Variants in ABR observed in about 807,000 individuals in gnomAD.
ABR encodes ABR activator of RhoGEF and GTPase.
In ABR, 35 loss-of-function variants were observed where a neutral mutation model predicts 107.2. That is an observed-to-expected ratio of 0.33 (90% CI 0.25 to 0.43). The LOEUF (loss-of-function observed/expected upper bound fraction) is 0.43, where lower values mean the gene tolerates loss of function less well. Among genes scored for constraint, ABR ranks in the 20% least tolerant of loss-of-function variants. The pLI is 1.00. For missense variants in ABR, 815 were observed against 1,115.2 expected (o/e 0.73, Z 3.83); for synonymous variants, 498 against 462.0 (o/e 1.08, Z -1.00).
intron 16 of ABR, among the ~76,000 whole-genome samples, chr17:1,024,424 G>A (rs2586255): frequency 0.2 from 30,485 of 152,108 alleles, 3,612 homozygotes; most frequent in Admixed American, 0.33. Flanking sequence ...GGGTCTGAAC[G>A]TCGCCCCTCG....
chr17:1,040,233 G>A (rs1447876140), intron 16 of ABR, among the ~76,000 whole-genome samples: 1 of 152,176 alleles, frequency 6.6e-6, no homozygotes, highest in Non-Finnish European at 1.5e-5. Flanking sequence ...GGGTCGAATG[G>A]GGACAAGACA....
At chr17:1,155,368 AACTTTTACTTTCT>A (rs1406718300) in intron 1 of ABR, among the ~76,000 whole-genome samples, 4 of 152,200 alleles carry the variant, frequency 2.6e-5, no homozygotes, top group African/African-American at 9.6e-5. Context: ...GTAAAAGTTG[AACTTTTACTTTCT>A]ACCATATTCA....
At chr17:1,017,257 T>C (rs1471144696) in intron 16 of ABR, among the ~76,000 whole-genome samples, 1 of 151,918 alleles carries the variant, frequency 6.6e-6, no homozygotes, top group East Asian at 1.9e-4. Flanking sequence ...CTCTCTCCCC[T>C]CTAAGCTGCT....
intron 5 of ABR, among the ~76,000 whole-genome samples, chr17:1,082,464 A>ACC (rs1349480886): frequency 6.6e-5 from 10 of 151,792 alleles, no homozygotes; most frequent in African/African-American, 2.2e-4. Flanking sequence ...GAGCAGAAGC[A>ACC]CGTGTGCTCC....
chr17:1,174,177 C>T (rs1212971837), intron 1 of ABR, among the ~76,000 whole-genome samples: 3 of 152,222 alleles, frequency 2.0e-5, no homozygotes, highest in African/African-American at 7.2e-5. Flanking sequence ...CGAAGAACAA[C>T]AGTAGCCAAC....
chr17:1,023,383 C>A (rs1482988503), intron 16 of ABR, among the ~76,000 whole-genome samples: 4 of 152,084 alleles, frequency 2.6e-5, no homozygotes, highest in Non-Finnish European at 5.9e-5. Flanking sequence ...CCCACCCCAC[C>A]ACTGCCTCCC....
rs1489905207 is a variant in ABR at position 1,011,770 on chromosome 17, C to T, written c.2101+76G>A. 1 of 1,485,538 alleles carries T rather than the reference C, an allele frequency of 6.7e-7. No homozygotes were observed. The highest frequency in any genetic ancestry group is 9.0e-7 in the Non-Finnish European group (1 of 1,116,016). The allele number at this position is 1,485,538 out of a possible 1,614,324, so 92.0% of individuals were successfully genotyped here. A position where few individuals can be genotyped will look rare whatever the true frequency, so the allele number is the denominator to read the frequency against. On this transcript the variant is annotated intron_variant, in intron 19 of 22. Transcript: ENST00000302538. The surrounding 1 kb of genome is among the most constrained non-coding windows in gnomAD (Gnocchi z 4.8). ...CCTCTCCAGGGAGGCTCCTGGTTCC[C>T]CCGAGCTCTCCTGTCCATCCCACCA...
intron 3 of ABR, among the ~76,000 whole-genome samples, chr17:1,099,495 G>A (rs528878363): frequency 6.6e-6 from 1 of 152,294 alleles, no homozygotes; most frequent in South Asian, 2.1e-4. Context: ...GTACTTAAAT[G>A]TGCATCTTAG....
At chr17:1,046,967 A>G (rs2031717154) in intron 16 of ABR, among the ~76,000 whole-genome samples, 1 of 152,112 alleles carries the variant, frequency 6.6e-6, no homozygotes, top group Non-Finnish European at 1.5e-5. Flanking sequence ...CTGTCACTAA[A>G]TGCTTCCCCC....
chr17:1,215,726 G>T (rs1038119267), intron 1 of ABR, among the ~76,000 whole-genome samples: 1 of 151,602 alleles, frequency 6.6e-6, no homozygotes. Context: ...CGGTTTTGTC[G>T]AATAGAAAAG....
chr17:1,179,830 G>A lies in ABR; in HGVS notation c.-103C>T, dbSNP rs1255322139. ...GGGAGGCCGAAGTTGCGAGCGCGGA[G>A]GGGCGAGGAGGCCGGGAACCAGGTC... is the stretch of plus-strand genomic sequence containing the variant. On this transcript the variant is annotated 5_prime_UTR_variant, in exon 1 of 23. Transcript: ENST00000302538. This position sits in a 1 kb window ranked among gnomAD's most constrained non-coding sequence, Gnocchi z 4.9. 8 of 1,217,286 alleles carry A rather than the reference G, an allele frequency of 6.6e-6. No individual in the cohort carries two copies. The highest frequency in any genetic ancestry group is 8.6e-6 in the Non-Finnish European group (8 of 930,614). 75.4% of individuals were successfully genotyped at this position (1,217,286 alleles called of 1,614,324 possible).
chr17:1,018,211 T>G (rs981513870), intron 16 of ABR, among the ~76,000 whole-genome samples: 1 of 151,740 alleles, frequency 6.6e-6, no homozygotes, highest in Admixed American at 6.6e-5. Flanking sequence ...CCCGGCTAAT[T>G]TTTTGTATTT....
chr17:1,127,670 C>T (rs751872665), intron 1 of ABR, among the ~76,000 whole-genome samples: 9 of 152,180 alleles, frequency 5.9e-5, no homozygotes, highest in Non-Finnish European at 1.0e-4. Flanking sequence ...TAGTGGACCG[C>T]GGCTTTGCCC....
intron 1 of ABR, among the ~76,000 whole-genome samples, chr17:1,146,746 G>A (rs1439277969): frequency 1.5e-5 from 2 of 135,790 alleles, no homozygotes; most frequent in Non-Finnish European, 3.2e-5. Flanking sequence ...CGACACCACT[G>A]CCACCACTGC....
chr17:1,133,640 A>G (rs1291361014), intron 1 of ABR, among the ~76,000 whole-genome samples: 1 of 152,236 alleles, frequency 6.6e-6, no homozygotes, highest in Non-Finnish European at 1.5e-5. Context: ...CAAAATCATT[A>G]GAGCCTTCCG....
intron 16 of ABR, chr17:1,031,603 TTCGGA>T: frequency 8.4e-7 from 1 of 1,190,624 alleles, no homozygotes. Flanking sequence ...GGCACCTTGT[TTCGGA>T]GCAGCTTGTT....
intron 2 of ABR, among the ~76,000 whole-genome samples, chr17:1,119,931 C>CG (rs1567791317): frequency 2.0e-5 from 3 of 151,890 alleles, no homozygotes; most frequent in African/African-American, 7.3e-5. Context: ...GTCACCCAGG[C>CG]GGGGTACAAT....
chr17:1,050,912 C>T lies in ABR; in HGVS notation c.1562-278G>A, dbSNP rs112926577. On this transcript the variant is annotated intron_variant, in intron 14 of 22. Transcript: ENST00000302538. This position sits in a 1 kb window ranked among gnomAD's most constrained non-coding sequence, Gnocchi z 4.6. ...CCTTCCCACCTCGGCCCTCCCCACA[C>T]TCTGCCCTTCCCACCTCGGCCCTCC... Among the ~76,000 whole-genome samples the T allele has an allele frequency of 6.6e-6, 1 of 151,948 alleles. No homozygotes were observed. Among genetic ancestry groups the T allele is most frequent in the African/African-American group, 2.4e-5 (1 of 41,410 alleles).
intron 1 of ABR, among the ~76,000 whole-genome samples, chr17:1,197,806 C>T (rs1339088679): frequency 1.3e-5 from 2 of 151,586 alleles, no homozygotes; most frequent in Non-Finnish European, 2.9e-5. Flanking sequence ...CAGCGCTCAC[C>T]CAAACCAGAC....
Sources: allele counts gnomAD v4.1 joint callset (sites outside exome capture counted in the v4.1 genomes callset), GRCh38; gene constraint gnomAD v4.1.1; non-coding constraint Gnocchi (gnomAD v3.1); transcripts MANE v1.5; gene names NCBI Gene and HGNC (gene_info 2026-07-23, HGNC 2026-07-21).